Variants in OR2L3 observed in about 807,000 individuals in gnomAD.
OR2L3 encodes olfactory receptor 2L3.
For synonymous variants in OR2L3, 131 were observed against 139.1 expected, an observed-to-expected ratio of 0.94 and a Z score of 0.41; for missense variants, 369 against 376.6, an observed-to-expected ratio of 0.98 and a Z score of 0.17.
intron 1 of OR2L3, among the ~76,000 whole-genome samples, chr1:248,051,772 T>A (rs896800023): frequency 6.6e-6 from 1 of 152,004 alleles, no homozygotes; most frequent in Non-Finnish European, 1.5e-5. Context: ...GCTTTTATTT[T>A]ATTTATTTAT....
Position 248,048,921 on chromosome 1 carries a change from C to CTTTT in OR2L3, c.-22+2042_-22+2043insTTTT, listed in dbSNP as rs201552371. On this transcript the variant is annotated intron_variant, in intron 1 of 1. Transcript: ENST00000359959. ...CAGCTTTTTCTTTCCTTTTCTCTCT[C>CTTTT]TCTTTTTTTTTTTTTTGGTAAATCC... 1.2e-4 allele frequency among the ~76,000 whole-genome samples: 17 copies of CTTTT among 141,958 alleles called. 1 individual carries two copies. The highest frequency in any genetic ancestry group is 4.8e-4 in the African/African-American group (17 of 35,096). 93.1% of individuals were successfully genotyped at this position (141,958 alleles called of 152,430 possible).
In OR2L3 at chr1:248,063,331, A is replaced by C. The variant is rs1663703257; in HGVS notation, c.*1711A>C. 1 of 152,270 alleles carries C rather than the reference A, an allele frequency of 6.6e-6. No individual in the cohort carries two copies. Among genetic ancestry groups the C allele is most frequent in the South Asian group, 2.1e-4 (1 of 4,836 alleles). 9.4% of individuals were successfully genotyped at this position (152,270 alleles called of 1,614,324 possible). ...TACCGTTAACGGTAAAGTATTACAT[A>C]GTGCAATGCTCTTTAAATGTCATTT... On this transcript the variant is annotated 3_prime_UTR_variant, in exon 2 of 2. Transcript: ENST00000359959.
intron 1 of OR2L3, among the ~76,000 whole-genome samples, chr1:248,052,766 A>C (rs2103113980): frequency 6.6e-6 from 1 of 152,048 alleles, no homozygotes; most frequent in East Asian, 1.9e-4. Flanking sequence ...TGAGTCTTTA[A>C]ATTTTGTTCT....
chr1:248,056,245 A>C (rs188451552), intron 1 of OR2L3, among the ~76,000 whole-genome samples: 3 of 152,116 alleles, frequency 2.0e-5, no homozygotes, highest in African/African-American at 7.2e-5. Context: ...ATATGTATAC[A>C]TGTGCCATGT....
intron 1 of OR2L3, among the ~76,000 whole-genome samples, chr1:248,059,129 T>C (rs1444967416): frequency 1.3e-5 from 2 of 152,188 alleles, no homozygotes; most frequent in Admixed American, 1.3e-4. Context: ...TTTATGAGTA[T>C]GATCATGTGT....
Position 248,060,920 on chromosome 1 carries a change from T to C in OR2L3, c.239T>C (p.Met80Thr). The C allele has an allele frequency of 6.2e-7, 1 of 1,613,982 alleles. No homozygotes were observed. The highest frequency in any genetic ancestry group is 1.3e-5 in the African/African-American group (1 of 75,036). Residue 80 changes from methionine (M) to threonine (T), a missense_variant, in exon 2 of 2, where the codon ATG becomes ACG. By Grantham distance (81) the Met-to-Thr change is moderately conservative. Transcript: ENST00000359959. ...LNYISTIVPK[M>T]ASDFLSGNKS... Reference sequence around the variant, plus strand: ...TACATCTCCACCATTGTTCCTAAGATGGCATCTGATTTTCTGTCTGGTAAC... The same window carrying C: ...TACATCTCCACCATTGTTCCTAAGACGGCATCTGATTTTCTGTCTGGTAAC...
chr1:248,059,493 G>C (rs1663551808), intron 1 of OR2L3, among the ~76,000 whole-genome samples: 2 of 152,168 alleles, frequency 1.3e-5, no homozygotes, highest in Non-Finnish European at 2.9e-5. Flanking sequence ...TAAGGCATCT[G>C]CTTTAACTAG....
intron 1 of OR2L3, among the ~76,000 whole-genome samples, chr1:248,055,521 C>T (rs1303937678): frequency 6.6e-6 from 1 of 152,104 alleles, no homozygotes; most frequent in South Asian, 2.1e-4. Context: ...TCTGGAAGGC[C>T]AAGGCAGGTG....
At chr1:248,049,529 C>G (rs1268096482) in intron 1 of OR2L3, among the ~76,000 whole-genome samples, 1 of 152,032 alleles carries the variant, frequency 6.6e-6, no homozygotes, top group Non-Finnish European at 1.5e-5. Flanking sequence ...TAGAAAATAT[C>G]TTTCATTTAG....
rs763965116 is a variant in OR2L3, at chr1:248,061,870, A to G, written c.*250A>G. On this transcript the variant is annotated 3_prime_UTR_variant, in exon 2 of 2. Transcript: ENST00000359959. Reference sequence around the variant, plus strand: ...TACTTTTACTAATATGTTGTCAATGAGAATTTTTGTTTTTGGTCATGCAGA... The same window carrying G: ...TACTTTTACTAATATGTTGTCAATGGGAATTTTTGTTTTTGGTCATGCAGA... 3.1e-6 allele frequency: 1 copy of G among 326,222 alleles called. No individual in the cohort carries two copies. Among genetic ancestry groups the G allele is most frequent in the Non-Finnish European group, 5.5e-6 (1 of 180,506 alleles). 20.2% of individuals were successfully genotyped at this position (326,222 alleles called of 1,614,324 possible).
In OR2L3 at chr1:248,063,358, T is replaced by C. The variant is rs953389492; in HGVS notation, c.*1738T>C. ...TGCAATGCTCTTTAAATGTCATTTC[T>C]ATTTCTAAGCCTGTGGATATTTGTT... On this transcript the variant is annotated 3_prime_UTR_variant, in exon 2 of 2. Transcript: ENST00000359959. The C allele has an allele frequency of 3.3e-5, 5 of 152,280 alleles. No homozygotes were observed. Among genetic ancestry groups the C allele is most frequent in the Admixed American group, 3.3e-4 (5 of 15,292 alleles). 9.4% of individuals were successfully genotyped at this position (152,280 alleles called of 1,614,324 possible).
chr1:248,056,247 G>A (rs1050407478), intron 1 of OR2L3, among the ~76,000 whole-genome samples: 1 of 151,964 alleles, frequency 6.6e-6, no homozygotes, highest in Admixed American at 6.6e-5. Context: ...ATGTATACAT[G>A]TGCCATGTTG....
chr1:248,047,115 T>C (rs1198657658), intron 1 of OR2L3, among the ~76,000 whole-genome samples: 1 of 152,120 alleles, frequency 6.6e-6, no homozygotes, highest in Non-Finnish European at 1.5e-5. Context: ...TAAATGATGG[T>C]CAATTGAAGA....
intron 1 of OR2L3, among the ~76,000 whole-genome samples, chr1:248,051,393 T>C (rs1161499614): frequency 6.6e-6 from 1 of 152,250 alleles, no homozygotes; most frequent in African/African-American, 2.4e-5. Context: ...GATTTCTTTG[T>C]TGATGACCAC....
intron 1 of OR2L3, among the ~76,000 whole-genome samples, chr1:248,059,416 C>A (rs1156802582): frequency 6.6e-6 from 1 of 152,030 alleles, no homozygotes; most frequent in African/African-American, 2.4e-5. Flanking sequence ...TTGAAGGATC[C>A]ATAAAGCAAT....
chr1:248,053,426 T>C lies in OR2L3; in HGVS notation c.-22+6546T>C, dbSNP rs117448880. On this transcript the variant is annotated intron_variant, in intron 1 of 1. Transcript: ENST00000359959. Reference sequence around the variant, plus strand: ...GCTGCAATGAACATACACATGCCAGTACCTTTATAATAGAATAATTTATAT... The same window carrying C: ...GCTGCAATGAACATACACATGCCAGCACCTTTATAATAGAATAATTTATAT... Among the ~76,000 whole-genome samples the C allele has an allele frequency of 1.3e-4, 20 of 152,356 alleles. 1 individual carries two copies. In the East Asian group the frequency reaches 3.7e-3, roughly 28 times the overall value.
chr1:248,059,550 G>T (rs1030778141), intron 1 of OR2L3, among the ~76,000 whole-genome samples: 7 of 152,164 alleles, frequency 4.6e-5, no homozygotes, highest in Admixed American at 4.6e-4. Context: ...GGATGATGAT[G>T]AATATTGAAA....
Position 248,061,444 on chromosome 1 carries a change from G to A in OR2L3, c.763G>A (p.Val255Ile), listed in dbSNP as rs6697812. The change falls in exon 2 of 2, where the codon GTC becomes ATC. Residue 255 changes from valine (V) to isoleucine (I), a missense_variant. By Grantham distance (29) the Val-to-Ile change is conservative (BLOSUM62 3). Coordinates refer to ENST00000359959, the MANE Select transcript of OR2L3 (RefSeq NM_001004687.2). ...AGTAACTTTCTACTATGCACCTTTT[G>A]TCTACACTTATCTACGTCCAAGATC... ...TVVTFYYAPF[V>I]YTYLRPRSLR... 1.1e-5 allele frequency: 17 copies of A among 1,613,546 alleles called. 1 individual carries two copies. The highest frequency in any genetic ancestry group is 1.3e-5 in the African/African-American group (1 of 74,802).
At chr1:248,049,751 A>G (rs1558198358) in intron 1 of OR2L3, among the ~76,000 whole-genome samples, 1 of 152,042 alleles carries the variant, frequency 6.6e-6, no homozygotes, top group Non-Finnish European at 1.5e-5. Flanking sequence ...TTTTTCTATT[A>G]TTTTTGTTTT....
Sources: allele counts gnomAD v4.1 joint callset (sites outside exome capture counted in the v4.1 genomes callset), GRCh38; gene constraint gnomAD v4.1.1; transcripts MANE v1.5; gene names NCBI Gene and HGNC (gene_info 2026-07-23, HGNC 2026-07-21).